TP63: variants seen among roughly 807,000 people sequenced by gnomAD.
The protein encoded by TP63 is tumor protein p63, also known as tumor protein 63.
Under a neutral mutation model 82.8 loss-of-function variants are expected in TP63, and 17 were observed. That is an observed-to-expected ratio of 0.21 (90% CI 0.14 to 0.31). The LOEUF is 0.31. Among genes scored for constraint, TP63 ranks in the 10% least tolerant of loss-of-function variants. The pLI is 1.00. For synonymous variants in TP63, 330 were observed against 321.7 expected (o/e 1.03, Z -0.28); for missense variants, 648 against 895.3 (o/e 0.72, Z 3.52).
intron 1 of TP63, among the ~76,000 whole-genome samples, chr3:189,692,005 T>C (rs947077200): frequency 6.6e-6 from 1 of 152,200 alleles, no homozygotes; most frequent in South Asian, 2.1e-4. Context: ...TCTGACACAA[T>C]TCAATGCTTT....
chr3:189,864,380 G>A lies in TP63; in HGVS notation c.728G>A (p.Arg243Gln), dbSNP rs121908836. ...GAGCACGTCACGGAGGTGGTGAAGC[G>A]GTGCCCCAACCATGAGCTGAGCCGT... Reference protein sequence around the residue: ...KAEHVTEVVKRCPNHELSREF... With the variant: ...KAEHVTEVVKQCPNHELSREF... Residue 243 changes from arginine (R) to glutamine (Q), a missense_variant, in exon 5 of 14, where the codon CGG (arginine) becomes CAG (glutamine). By Grantham distance (43) the Arg-to-Gln change is conservative. Around this residue, in one of 5 missense-constraint regions of TP63, gnomAD observed 64 missense variants for 144.2 expected, o/e 0.44. Transcript: ENST00000264731. 4 of 1,613,792 alleles carry A rather than the reference G, an allele frequency of 2.5e-6. No homozygotes were observed. Among genetic ancestry groups the A allele is most frequent in the Non-Finnish European group, 3.4e-6 (4 of 1,179,900 alleles).
rs1719276916 is a variant in TP63, at chr3:189,876,783, T to C, written c.1349+3788T>C. Among the ~76,000 whole-genome samples the C allele has an allele frequency of 3.3e-5, 5 of 152,176 alleles. No individual in the cohort carries two copies. The South Asian group carries it at 1.0e-3, about 32-fold the overall frequency. On this transcript the variant is annotated intron_variant, in intron 10 of 13. Transcript: ENST00000264731. Reference sequence around the variant, plus strand: ...TCATGCAAATCTCCAAGAAAGAGCATGAATGACTAAACAAAGAAAAACAAA... The same window carrying C: ...TCATGCAAATCTCCAAGAAAGAGCACGAATGACTAAACAAAGAAAAACAAA...
At chr3:189,818,137 A>G (rs1392252107) in intron 4 of TP63, among the ~76,000 whole-genome samples, 2 of 151,872 alleles carry the variant, frequency 1.3e-5, no homozygotes, top group African/African-American at 4.8e-5. Context: ...TATAAAATAT[A>G]AAAATGTATA....
the TP63 span, among the ~76,000 whole-genome samples, chr3:189,626,164 TC>T: frequency 3.6e-4 from 55 of 152,264 alleles, no homozygotes; most frequent in African/African-American, 1.3e-3. Context: ...TTACTCCTAA[TC>T]GATGTCAGAC....
chr3:189,652,086 CACA>C (rs1712943315), intron 1 of TP63, among the ~76,000 whole-genome samples: 2 of 146,680 alleles, frequency 1.4e-5, no homozygotes, highest in East Asian at 2.4e-4. Context: ...GGAGCTCCCA[CACA>C]ACATCTTCAC....
At chr3:189,794,004 G>C (rs1725437307) in intron 3 of TP63, among the ~76,000 whole-genome samples, 1 of 152,034 alleles carries the variant, frequency 6.6e-6, no homozygotes, top group Non-Finnish European at 1.5e-5. Flanking sequence ...CAAAAGTTAA[G>C]TTTTAAATCT....
chr3:189,864,426 G>A lies in TP63; in HGVS notation c.766+8G>A. 8 of 1,606,620 alleles carry A rather than the reference G, an allele frequency of 5.0e-6. No homozygotes were observed. Among genetic ancestry groups the A allele is most frequent in the Non-Finnish European group, 6.0e-6 (7 of 1,175,418 alleles). On this transcript the variant is annotated splice_region_variant and intron_variant, in intron 5 of 13. Coordinates refer to ENST00000264731, the MANE Select transcript of TP63 (RefSeq NM_003722.5). ...GCCGTGAATTCAACGAGGGTAAGCA[G>A]AATTTGAATCTCTAACTGTTCAACC...
the TP63 span, among the ~76,000 whole-genome samples, chr3:189,610,353 G>A: frequency 6.6e-6 from 1 of 152,174 alleles, no homozygotes; most frequent in East Asian, 1.9e-4. Flanking sequence ...GAGAACACAA[G>A]TCACCTCTTG....
At chr3:189,673,919 T>C (rs1200744041) in intron 1 of TP63, among the ~76,000 whole-genome samples, 2 of 152,152 alleles carry the variant, frequency 1.3e-5, no homozygotes, top group African/African-American at 2.4e-5. Context: ...GAAATAGTTT[T>C]ATTATTGTTA....
intron 1 of TP63, among the ~76,000 whole-genome samples, chr3:189,708,232 T>G (rs1577278720): frequency 1.3e-5 from 2 of 152,328 alleles, no homozygotes; most frequent in African/African-American, 4.8e-5. Context: ...ACTTCGAACT[T>G]GGAACCAGTT....
chr3:189,869,607 C>T (rs1254416564), intron 9 of TP63, among the ~76,000 whole-genome samples: 2 of 152,104 alleles, frequency 1.3e-5, no homozygotes, highest in Non-Finnish European at 2.9e-5. Context: ...AGTCTGAGAT[C>T]AAGGTGCCCC....
At chr3:189,705,580 C>T (rs1361651199) in intron 1 of TP63, among the ~76,000 whole-genome samples, 7 of 152,066 alleles carry the variant, frequency 4.6e-5, no homozygotes, top group Non-Finnish European at 7.3e-5. Flanking sequence ...CTCACCTAGA[C>T]GGTGCACACC....
chr3:189,738,564 G>T, intron 2 of TP63, 78 bp from the exon 3 acceptor site: 1 of 1,604,304 alleles, frequency 6.2e-7, no homozygotes, highest in Non-Finnish European at 8.5e-7. Context: ...AGCAGAAAAT[G>T]CTTGTTGTTA....
chr3:189,748,388 C>CA (rs1472549834), intron 3 of TP63, among the ~76,000 whole-genome samples: 1 of 151,058 alleles, frequency 6.6e-6, no homozygotes, highest in Non-Finnish European at 1.5e-5. Flanking sequence ...TTCTATACAT[C>CA]AGTAACAAAC....
chr3:189,730,857 G>A lies in TP63; in HGVS notation c.63-6883G>A, dbSNP rs565177814. On this transcript the variant is annotated intron_variant, in intron 1 of 13. Transcript: ENST00000264731. ...CTTCTGGTCTGCATCACTACTAAGT[G>A]CTATTTTATTTTGTTAAATGAGTTT... 3.3e-5 allele frequency among the ~76,000 whole-genome samples: 5 copies of A among 152,222 alleles called. No individual in the cohort carries two copies. In the East Asian group the frequency reaches 9.7e-4, roughly 29 times the overall value.
chr3:189,826,691 A>G (rs1456293326), intron 4 of TP63, among the ~76,000 whole-genome samples: 1 of 152,184 alleles, frequency 6.6e-6, no homozygotes, highest in Non-Finnish European at 1.5e-5. Flanking sequence ...AGAATTACTA[A>G]CCACCGAAAC....
rs75471607 is a variant in TP63, at chr3:189,806,679, A to G, written c.325-1593A>G. Among the ~76,000 whole-genome samples, 1,057 of 152,324 alleles carry G rather than the reference A, an allele frequency of 6.9e-3. 8 individuals carry two copies. The highest frequency in any genetic ancestry group is 0.024 in the African/African-American group (1,014 of 41,574). On this transcript the variant is annotated intron_variant, in intron 3 of 13. Coordinates refer to ENST00000264731, the MANE Select transcript of TP63 (RefSeq NM_003722.5). The stretch of plus-strand genomic sequence containing the variant: ...GCTATAGAAGTCAGAAGGGAGAGAA[A>G]GCGAGACAAACAGCTGCTCTTGTCA...
intron 1 of TP63, among the ~76,000 whole-genome samples, chr3:189,668,398 A>G (rs1240232133): frequency 2.0e-5 from 3 of 152,250 alleles, no homozygotes; most frequent in Non-Finnish European, 2.9e-5. Context: ...AAATGAAAAT[A>G]TGCTTTTAAT....
intron 1 of TP63, among the ~76,000 whole-genome samples, chr3:189,636,137 T>G (rs757194766): frequency 6.6e-6 from 1 of 152,170 alleles, no homozygotes; most frequent in Non-Finnish European, 1.5e-5. Context: ...TTTTTCAGTC[T>G]CTAATGAATA....
Sources: gnomAD v4.1 joint callset for allele counts (sites outside exome capture counted in the v4.1 genomes callset) on GRCh38, gnomAD v4.1.1 for gene constraint, gnomAD v4.1.1 regional missense constraint, MANE v1.5 for transcripts, NCBI Gene and HGNC (gene_info 2026-07-23, HGNC 2026-07-21) for gene names.